The following C8B variants were observed in gnomAD, a reference collection of about 807,000 sequenced individuals.
C8B encodes the protein complement C8 beta chain.
C8B carries 67 observed loss-of-function variants against 64.6 expected under a neutral mutation model. The observed-to-expected ratio is 1.04, with a 90% CI of 0.85 to 1.27. The LOEUF is 1.27. C8B is among the 50% of genes most tolerant of loss of function. The probability of loss-of-function intolerance (pLI) is 0.00; values close to 1 mark genes in which losing one functional copy is unlikely to be tolerated. For missense variants in C8B, 790 were observed against 725.2 expected (o/e 1.09, Z -1.03); for synonymous variants, 284 against 257.7 (o/e 1.10, Z -0.98).
intron 1 of C8B, among the ~76,000 whole-genome samples, chr1:56,963,327 T>C (rs1053549335): frequency 5.3e-5 from 8 of 152,196 alleles, no homozygotes; most frequent in African/African-American, 1.9e-4. Context: ...TGGCTTTCGG[T>C]AGAAATGCCC....
At chr1:56,954,986 A>G (rs1258761801) in intron 3 of C8B, among the ~76,000 whole-genome samples, 159 bp from the exon 4 acceptor site, 1 of 152,146 alleles carries the variant, frequency 6.6e-6, no homozygotes, top group East Asian at 1.9e-4. Context: ...TTATGGCACT[A>G]ACAGTTTATT....
chr1:56,952,148 G>C lies in C8B; in HGVS notation c.566C>G (p.Pro189Arg), dbSNP rs530066947. Residue 189 changes from proline to arginine, a missense_variant, in exon 5 of 12, where the codon CCA (proline) becomes CGA (arginine). Physicochemically the swap from Pro to Arg is moderately radical, Grantham distance 103. Transcript: ENST00000371237. ...INLFTNSFEG[P>R]VLDHRYYAGG... ...TGCATAATACCTGTGATCAAGAACT[G>C]GGCCCTCAAAACTGTTTGTGAACAA... is the stretch of plus-strand genomic sequence containing the variant. 1.9e-6 allele frequency: 3 copies of C among 1,614,142 alleles called. No individual in the cohort carries two copies. In the African/African-American group the frequency reaches 4.0e-5, roughly 22 times the overall value.
Position 56,954,682 on chromosome 1 carries a change from T to C in C8B, c.533+4A>G. The C allele has an allele frequency of 1.2e-6, 2 of 1,614,184 alleles. No homozygotes were observed. The highest frequency in any genetic ancestry group is 2.2e-5 in the South Asian group (2 of 91,092). ...ATCTACGCCACAGAAAAATGGTCAC[T>C]TACCCACTGGCCAGACTGCCAATTC... is the stretch of plus-strand genomic sequence containing the variant. On this transcript the variant is annotated splice_donor_region_variant and intron_variant, in intron 4 of 11. Coordinates refer to ENST00000371237, the MANE Select transcript of C8B (RefSeq NM_000066.4).
At chr1:56,939,623 A>G (rs1644821713) in intron 9 of C8B, among the ~76,000 whole-genome samples, 1 of 152,324 alleles carries the variant, frequency 6.6e-6, no homozygotes, top group Middle Eastern at 3.4e-3. Flanking sequence ...AGGACCTACC[A>G]TTGCTGACGT....
intron 11 of C8B, among the ~76,000 whole-genome samples, chr1:56,930,732 A>G (rs1488367230): frequency 6.6e-6 from 1 of 152,236 alleles, no homozygotes. Flanking sequence ...AAATGGGAAT[A>G]TCAATAATAT....
chr1:56,937,140 T>C (rs574317912), intron 9 of C8B, among the ~76,000 whole-genome samples: 1 of 152,340 alleles, frequency 6.6e-6, no homozygotes, highest in African/African-American at 2.4e-5. Flanking sequence ...ACATTCTTGC[T>C]CTCTTTGAAG....
intron 1 of C8B, among the ~76,000 whole-genome samples, chr1:56,963,569 A>C (rs1447885058): frequency 3.2e-5 from 3 of 94,914 alleles, no homozygotes; most frequent in Admixed American, 1.4e-4. Context: ...CAGATACACA[A>C]TGTGGAGGTT....
At chr1:56,956,329 A>C (rs1645103225) in intron 3 of C8B, among the ~76,000 whole-genome samples, 1 of 152,150 alleles carries the variant, frequency 6.6e-6, no homozygotes, top group South Asian at 2.1e-4. Flanking sequence ...AGGTATTCAC[A>C]TCACCCCTAA....
At chr1:56,935,307 C>T (rs1158095189) in intron 9 of C8B, among the ~76,000 whole-genome samples, 1 of 152,174 alleles carries the variant, frequency 6.6e-6, no homozygotes, top group African/African-American at 2.4e-5. Context: ...TAATATAGCA[C>T]ATTCGTCTGT....
In C8B at chr1:56,940,953, T is replaced by C. The variant is rs779406997; in HGVS notation, c.1294A>G (p.Ser432Gly). Residue 432 changes from serine (S) to glycine (G), a missense_variant, in exon 9 of 12, where the codon AGT becomes GGT. Ser to Gly is a moderately conservative substitution (Grantham distance 56, BLOSUM62 0). Coordinates refer to ENST00000371237, the MANE Select transcript of C8B (RefSeq NM_000066.4). ...TATGCCAGGGTGGTGATGTGCTCAC[T>C]TGCCCCTCCTCGTACCAGGACCACC... ...DLVVLVRGGA[S>G]EHITTLAYQE... 6.2e-7 allele frequency: 1 copy of C among 1,614,132 alleles called. No homozygotes were observed. Among genetic ancestry groups the C allele is most frequent in the South Asian group, 1.1e-5 (1 of 91,078 alleles).
Position 56,945,968 on chromosome 1 carries a change from T to A in C8B, c.958A>T (p.Arg320Ter). 1 of 1,614,122 alleles carries A rather than the reference T, an allele frequency of 6.2e-7. No homozygotes were observed. Among genetic ancestry groups the A allele is most frequent in the Non-Finnish European group, 8.5e-7 (1 of 1,180,004 alleles). ...SLMLHYEFLQ[R>*]VKRLPLEYSY... ...TACTCCAGGGGCAGCCGCTTAACTC[T>A]CTGAAGGAACTCGTAATGGAGCATG... The change falls in exon 7 of 12, where the codon AGA becomes TGA. Residue 320 changes from arginine (R) to a stop codon, truncating the protein, a stop_gained. Coordinates refer to ENST00000371237, the MANE Select transcript of C8B (RefSeq NM_000066.4). LOFTEE classifies it high-confidence loss of function.
At chr1:56,955,662 T>C (rs779356758) in intron 3 of C8B, among the ~76,000 whole-genome samples, 1 of 152,346 alleles carries the variant, frequency 6.6e-6, no homozygotes, top group Middle Eastern at 3.4e-3. Flanking sequence ...ATCATGGCTT[T>C]CATCAGAATC....
intron 9 of C8B, among the ~76,000 whole-genome samples, chr1:56,940,399 T>TAA (rs778772264): frequency 2.9e-5 from 4 of 137,562 alleles, no homozygotes; most frequent in Admixed American, 7.3e-5. Context: ...ACCCCATTTC[T>TAA]AAAAAAAAAA....
chr1:56,965,497 A>G (rs1226964212), intron 1 of C8B, among the ~76,000 whole-genome samples: 1 of 151,648 alleles, frequency 6.6e-6, no homozygotes, highest in East Asian at 1.9e-4. Flanking sequence ...GGTCAATCTC[A>G]TTTATTAAAA....
At chr1:56,936,341 C>T (rs1644774507) in intron 9 of C8B, among the ~76,000 whole-genome samples, 1 of 152,044 alleles carries the variant, frequency 6.6e-6, no homozygotes, top group African/African-American at 2.4e-5. Flanking sequence ...AATCACTGTC[C>T]CTTTAATAGG....
chr1:56,939,261 C>A (rs1203534827), intron 9 of C8B, among the ~76,000 whole-genome samples: 1 of 152,222 alleles, frequency 6.6e-6, no homozygotes, highest in Non-Finnish European at 1.5e-5. Context: ...ACCATGGCAT[C>A]GGCCAAGCCC....
chr1:56,935,621 G>C (rs1644765178), intron 9 of C8B, among the ~76,000 whole-genome samples: 1 of 152,220 alleles, frequency 6.6e-6, no homozygotes, highest in Non-Finnish European at 1.5e-5. Context: ...TTTATTAGGT[G>C]CTGAATTAAA....
chr1:56,944,001 C>T (rs1644904397), intron 7 of C8B, among the ~76,000 whole-genome samples, 177 bp from the exon 8 acceptor site: 1 of 152,118 alleles, frequency 6.6e-6, no homozygotes, highest in African/African-American at 2.4e-5. Flanking sequence ...AGGGCAGAGA[C>T]CTCGTAGAGC....
At chr1:56,946,101 G>A (rs1290480756) in intron 6 of C8B, 40 bp from the exon 7 acceptor site, 1 of 1,612,350 alleles carries the variant, frequency 6.2e-7, no homozygotes, top group Non-Finnish European at 8.5e-7. Context: ...GACCTTTAAA[G>A]TTAGGAATCT....
Sources: allele counts gnomAD v4.1 joint callset (sites outside exome capture counted in the v4.1 genomes callset), GRCh38; gene constraint gnomAD v4.1.1; transcripts MANE v1.5; gene names NCBI Gene and HGNC (gene_info 2026-07-23, HGNC 2026-07-21).